GABRB1: variants seen among roughly 807,000 people sequenced by gnomAD.
The protein encoded by GABRB1 is gamma-aminobutyric acid receptor subunit beta-1.
GABRB1 carries 17 observed loss-of-function variants against 51.6 expected under a neutral mutation model. The observed-to-expected ratio is 0.33, with a 90% CI of 0.23 to 0.49. The LOEUF (loss-of-function observed/expected upper bound fraction) is 0.49, where lower values mean the gene tolerates loss of function less well. GABRB1 is among the 20% of genes least tolerant of loss of function. The pLI is 0.99. For missense variants in GABRB1, 410 were observed against 600.6 expected, an observed-to-expected ratio of 0.68 and a Z score of 3.32; for synonymous variants, 247 against 218.9, an observed-to-expected ratio of 1.13 and a Z score of -1.14.
chr4:47,076,619 C>T (rs1472469507), intron 3 of GABRB1, among the ~76,000 whole-genome samples: 3 of 151,934 alleles, frequency 2.0e-5, no homozygotes, highest in African/African-American at 4.8e-5. Flanking sequence ...CCCACCGCCC[C>T]TCTGACAGCC....
chr4:47,172,505 G>T (rs1031505254), intron 4 of GABRB1, among the ~76,000 whole-genome samples: 4 of 151,966 alleles, frequency 2.6e-5, no homozygotes, highest in African/African-American at 9.7e-5. Context: ...TAAACTGTGA[G>T]TGTTGCTCAC....
At chr4:47,086,654 T>C (rs772621839) in intron 3 of GABRB1, among the ~76,000 whole-genome samples, 4 of 152,190 alleles carry the variant, frequency 2.6e-5, no homozygotes, top group Non-Finnish European at 5.9e-5. Flanking sequence ...TGCAGGTTTA[T>C]GGAAGGAATA....
intron 5 of GABRB1, among the ~76,000 whole-genome samples, chr4:47,395,765 T>G (rs907729311): frequency 6.6e-6 from 1 of 152,090 alleles, no homozygotes; most frequent in African/African-American, 2.4e-5. Context: ...ATCTTCCTAG[T>G]CCCCCCAAAA....
intron 1 of GABRB1, among the ~76,000 whole-genome samples, chr4:47,017,883 A>G (rs1420556923): frequency 6.6e-6 from 1 of 152,204 alleles, no homozygotes; most frequent in Admixed American, 6.5e-5. Context: ...AACTCAAATC[A>G]TTAAATTGTT....
intron 5 of GABRB1, among the ~76,000 whole-genome samples, chr4:47,350,884 C>A (rs975201096): frequency 3.9e-5 from 6 of 152,164 alleles, no homozygotes; most frequent in Non-Finnish European, 7.3e-5. Context: ...ATGATGATTT[C>A]TCCTACACTA....
At chr4:47,171,703 T>TA (rs1481543402) in intron 4 of GABRB1, among the ~76,000 whole-genome samples, 1 of 152,146 alleles carries the variant, frequency 6.6e-6, no homozygotes, top group Non-Finnish European at 1.5e-5. Context: ...TTATTAAAAT[T>TA]AAAAAATTTG....
At chr4:47,097,575 C>T (rs972077171) in intron 3 of GABRB1, among the ~76,000 whole-genome samples, 1 of 152,184 alleles carries the variant, frequency 6.6e-6, no homozygotes, top group Non-Finnish European at 1.5e-5. Context: ...ATCTTTCTCT[C>T]TCCATGAGAA....
chr4:47,030,939 A>T (rs1725268634), upstream of GABRB1, among the ~76,000 whole-genome samples: 1 of 152,136 alleles, frequency 6.6e-6, no homozygotes, highest in African/African-American at 2.4e-5. Flanking sequence ...GAAAAACGAC[A>T]AGGGGAGGGA....
chr4:47,234,204 C>T (rs568669104), intron 4 of GABRB1, among the ~76,000 whole-genome samples: 8 of 152,076 alleles, frequency 5.3e-5, no homozygotes, highest in Non-Finnish European at 1.2e-4. Context: ...TTAAAGATTG[C>T]AGGCTGGGTG....
intron 1 of GABRB1, among the ~76,000 whole-genome samples, chr4:47,001,875 A>C (rs1014326467): frequency 6.6e-6 from 1 of 152,264 alleles, no homozygotes; most frequent in Admixed American, 6.5e-5. Context: ...ATTCAATGTT[A>C]AAATTTTTCT....
intron 3 of GABRB1, among the ~76,000 whole-genome samples, chr4:47,138,727 G>A (rs959524265): frequency 2.0e-5 from 3 of 152,036 alleles, no homozygotes; most frequent in Non-Finnish European, 2.9e-5. Context: ...AGAGAATGAA[G>A]ACAGATGTTC....
chr4:47,324,929 A>C (rs980991203), intron 5 of GABRB1, among the ~76,000 whole-genome samples: 3 of 152,164 alleles, frequency 2.0e-5, no homozygotes, highest in African/African-American at 7.2e-5. Flanking sequence ...AGTATCATCT[A>C]TTCTACTTGC....
rs139136222 is a variant in GABRB1, at chr4:47,306,647, T to G, written c.462-13480T>G. On this transcript the variant is annotated intron_variant, in intron 4 of 8. Transcript: ENST00000295454. ...TTTCAATGTGTACATTTTTAAAAAT[T>G]TGCTACACATATGTGATTCCCTAAG... Among the ~76,000 whole-genome samples, 14 of 152,266 alleles carry G rather than the reference T, an allele frequency of 9.2e-5. No individual in the cohort carries two copies. The East Asian group carries it at 2.7e-3, about 29-fold the overall frequency.
At chr4:47,042,631 T>A (rs1171725527) in intron 3 of GABRB1, among the ~76,000 whole-genome samples, 1 of 151,332 alleles carries the variant, frequency 6.6e-6, no homozygotes, top group Non-Finnish European at 1.5e-5. Flanking sequence ...ACAAAGTGAA[T>A]GACATTTAAA....
intron 4 of GABRB1, among the ~76,000 whole-genome samples, chr4:47,196,807 G>A (rs1719702076): frequency 6.6e-6 from 1 of 152,192 alleles, no homozygotes; most frequent in African/African-American, 2.4e-5. Flanking sequence ...ATAGTTAGAA[G>A]AAATATGCTT....
At chr4:47,399,120 G>C (rs1728293259) in intron 5 of GABRB1, among the ~76,000 whole-genome samples, 1 of 152,090 alleles carries the variant, frequency 6.6e-6, no homozygotes, top group Admixed American at 6.5e-5. Flanking sequence ...AATGTTTTTT[G>C]CTTTGTTAAA....
At chr4:47,198,803 G>A (rs549796891) in intron 4 of GABRB1, among the ~76,000 whole-genome samples, 3 of 152,260 alleles carry the variant, frequency 2.0e-5, no homozygotes, top group Admixed American at 6.5e-5. Context: ...ATTGACTCAC[G>A]GTTCAGCATG....
intron 3 of GABRB1, among the ~76,000 whole-genome samples, chr4:47,099,192 T>C (rs1187536002): frequency 2.6e-5 from 4 of 152,062 alleles, no homozygotes; most frequent in African/African-American, 9.7e-5. Context: ...GAGCAGTGCT[T>C]CTCAAATAAC....
intron 4 of GABRB1, among the ~76,000 whole-genome samples, chr4:47,214,392 T>C (rs1400174621): frequency 3.3e-5 from 5 of 152,130 alleles, no homozygotes; most frequent in Non-Finnish European, 7.3e-5. Flanking sequence ...GATCTGCTGG[T>C]TTGGAAATAT....
Sources: gnomAD v4.1 joint callset for allele counts (sites outside exome capture counted in the v4.1 genomes callset) on GRCh38, gnomAD v4.1.1 for gene constraint, MANE v1.5 for transcripts, NCBI Gene and HGNC (gene_info 2026-07-23, HGNC 2026-07-21) for gene names.